The following FNBP1L variants were observed in gnomAD, a reference collection of about 807,000 sequenced individuals.
FNBP1L encodes formin binding protein 1 like.
FNBP1L carries 36 observed loss-of-function variants against 91.2 expected under a neutral mutation model. The ratio of observed to expected loss-of-function variants is 0.39; its 90% confidence interval spans 0.30 to 0.52. The LOEUF (loss-of-function observed/expected upper bound fraction) is 0.52. Ranked by LOEUF, FNBP1L falls within the 20% of genes least tolerant of loss-of-function variation. The probability of loss-of-function intolerance (pLI) is 0.66; values close to 1 mark genes in which losing one functional copy is unlikely to be tolerated. For missense variants in FNBP1L, 571 were observed against 732.1 expected, an observed-to-expected ratio of 0.78 and a Z score of 2.54; for synonymous variants, 242 against 237.0, an observed-to-expected ratio of 1.02 and a Z score of -0.19.
intron 2 of FNBP1L, among the ~76,000 whole-genome samples, chr1:93,520,173 C>A (rs752075219): frequency 6.6e-6 from 1 of 152,156 alleles, no homozygotes; most frequent in Non-Finnish European, 1.5e-5. Flanking sequence ...GTCTCCTGCT[C>A]ATGGGTCCTC....
At chr1:93,539,904 A>C (rs938211695) in intron 10 of FNBP1L, among the ~76,000 whole-genome samples, 12 of 152,168 alleles carry the variant, frequency 7.9e-5, no homozygotes, top group African/African-American at 2.9e-4. Context: ...AAATTCATTC[A>C]TATTTTTAAT....
chr1:93,457,813 A>G (rs1206045953), intron 1 of FNBP1L, among the ~76,000 whole-genome samples: 2 of 149,648 alleles, frequency 1.3e-5, no homozygotes, highest in East Asian at 3.9e-4. Flanking sequence ...TTTTTTTGAG[A>G]TGGAGTCACA....
Position 93,448,374 on chromosome 1 carries a change from C to T in FNBP1L, c.24+69C>T, listed in dbSNP as rs1002385144. The T allele has an allele frequency of 2.9e-5, 42 of 1,440,262 alleles. No individual in the cohort carries two copies. The Admixed American group carries it at 3.6e-4, about 12-fold the overall frequency. The allele number at this position is 1,440,262 out of a possible 1,614,324, so 89.2% of individuals were successfully genotyped here. On this transcript the variant is annotated intron_variant, in intron 1 of 16. Transcript: ENST00000271234. ...AGAAGCGCGGGTTGGGCGGGCGCCG[C>T]GGACCCTCGGCGGTGAAAGCGCGCT... is the stretch of plus-strand genomic sequence containing the variant.
chr1:93,494,716 C>T lies in FNBP1L; in HGVS notation c.25-4752C>T, dbSNP rs545451938. On this transcript the variant is annotated intron_variant, in intron 1 of 16. Coordinates refer to ENST00000271234, the MANE Select transcript of FNBP1L (RefSeq NM_001164473.3). The stretch of plus-strand genomic sequence containing the variant: ...TATTATGTAGCTGTATTAGTCTGTT[C>T]GCATACTGCTAATAAAGACATCCAA... Among the ~76,000 whole-genome samples, 31 of 152,236 alleles carry T rather than the reference C, an allele frequency of 2.0e-4. No homozygotes were observed. The East Asian group carries it at 2.3e-3, about 11-fold the overall frequency.
intron 11 of FNBP1L, among the ~76,000 whole-genome samples, chr1:93,542,756 T>A (rs1482360483): frequency 2.0e-5 from 3 of 151,000 alleles, no homozygotes; most frequent in African/African-American, 7.3e-5. Flanking sequence ...AATATTTATA[T>A]TCTTTTTTCT....
At chr1:93,457,317 A>T (rs1455484520) in intron 1 of FNBP1L, among the ~76,000 whole-genome samples, 3 of 152,060 alleles carry the variant, frequency 2.0e-5, no homozygotes, top group African/African-American at 7.2e-5. Context: ...TCCATTTTGC[A>T]TCTTCTTCCT....
intron 2 of FNBP1L, among the ~76,000 whole-genome samples, chr1:93,499,878 T>A (rs1670388158): frequency 6.6e-6 from 1 of 152,220 alleles, no homozygotes; most frequent in Non-Finnish European, 1.5e-5. Flanking sequence ...CTGTGTTTTA[T>A]ACTTTTATTC....
intron 2 of FNBP1L, among the ~76,000 whole-genome samples, chr1:93,515,697 T>C (rs1465264418): frequency 2.2e-5 from 3 of 138,314 alleles, no homozygotes; most frequent in Non-Finnish European, 3.0e-5. Flanking sequence ...TTCTCCCTCA[T>C]AGGTGGGAAT....
intron 14 of FNBP1L, among the ~76,000 whole-genome samples, chr1:93,548,732 C>T (rs1377782759): frequency 6.6e-6 from 1 of 152,026 alleles, no homozygotes; most frequent in African/African-American, 2.4e-5. Context: ...GTTTCGAGTC[C>T]AGTAGAAAAG....
intron 1 of FNBP1L, among the ~76,000 whole-genome samples, chr1:93,451,622 T>C (rs1286674546): frequency 6.6e-6 from 1 of 152,176 alleles, no homozygotes; most frequent in Non-Finnish European, 1.5e-5. Flanking sequence ...ATGTGTAATT[T>C]AAAAGCCATT....
intron 1 of FNBP1L, among the ~76,000 whole-genome samples, chr1:93,492,290 C>G (rs1412483874): frequency 3.3e-5 from 5 of 151,698 alleles, no homozygotes; most frequent in Non-Finnish European, 7.4e-5. Flanking sequence ...GAGATAACAA[C>G]AAGAAGAGAA....
intron 1 of FNBP1L, among the ~76,000 whole-genome samples, chr1:93,496,388 A>G (rs1309352648): frequency 6.6e-6 from 1 of 151,492 alleles, no homozygotes; most frequent in Admixed American, 6.6e-5. Context: ...CACCTGGCTA[A>G]TTTTATTTAT....
At chr1:93,536,947 A>G (rs1293612860) in intron 10 of FNBP1L, among the ~76,000 whole-genome samples, 1 of 152,020 alleles carries the variant, frequency 6.6e-6, no homozygotes, top group Non-Finnish European at 1.5e-5. Context: ...ACAGTTTCCA[A>G]TAGTTAAAAA....
intron 8 of FNBP1L, among the ~76,000 whole-genome samples, chr1:93,533,712 GATATT>G (rs1351910856): frequency 6.6e-6 from 1 of 152,116 alleles, no homozygotes; most frequent in Non-Finnish European, 1.5e-5. Context: ...CTATCAAGTA[GATATT>G]ATATTAGTGA....
At chr1:93,479,739 C>A (rs1669625973) in intron 1 of FNBP1L, among the ~76,000 whole-genome samples, 1 of 152,176 alleles carries the variant, frequency 6.6e-6, no homozygotes, top group African/African-American at 2.4e-5. Flanking sequence ...CTATTCTGCC[C>A]AACCCCGCAG....
At position 93,522,061 on chromosome 1, in the gene FNBP1L, TA is replaced by T; in HGVS notation, c.141-15del. 1 of 1,459,052 alleles carries T rather than the reference TA, an allele frequency of 6.9e-7. No individual in the cohort carries two copies. The highest frequency in any genetic ancestry group is 9.1e-7 in the Non-Finnish European group (1 of 1,097,506). The allele number at this position is 1,459,052 out of a possible 1,614,324, so 90.4% of individuals were successfully genotyped here. A position where few individuals can be genotyped will look rare whatever the true frequency, so the allele number is the denominator to read the frequency against. ...AATAGTTGAAATTTTTAATAAACTT[TA>T]AAAAATCTTCTTCCTATAGAAATCT... On this transcript the variant is annotated intron_variant, in intron 2 of 16. Coordinates refer to ENST00000271234, the MANE Select transcript of FNBP1L (RefSeq NM_001164473.3).
In FNBP1L at chr1:93,523,799, A is replaced by G. The variant is rs1159779; in HGVS notation, c.342+308A>G. 5.5e-3 allele frequency among the ~76,000 whole-genome samples: 838 copies of G among 152,324 alleles called. 12 individuals carry two copies. The East Asian group carries it at 0.066, about 12-fold the overall frequency. The stretch of plus-strand genomic sequence containing the variant: ...AGAATAATATTTCATGACATTGACA[A>G]TTATATGAAATTTTATTTTTAATGT... On this transcript the variant is annotated intron_variant, in intron 4 of 16. Transcript: ENST00000271234.
chr1:93,523,462 G>A lies in FNBP1L; in HGVS notation c.313G>A (p.Ala105Thr), dbSNP rs1228621273. 1.9e-6 allele frequency: 3 copies of A among 1,607,156 alleles called. No individual in the cohort carries two copies. The highest frequency in any genetic ancestry group is 2.2e-5 in the South Asian group (2 of 89,132). Residue 105 changes from alanine (A) to threonine (T), a missense_variant, in exon 4 of 17, where the codon GCT becomes ACT. Ala to Thr is a moderately conservative substitution (Grantham distance 58). Around this residue, in one of 5 missense-constraint regions of FNBP1L, gnomAD observed 220 missense variants for 313.6 expected, o/e 0.70. Transcript: ENST00000271234. Reference sequence around the variant, plus strand: ...AGTGTATGGTGAATTAATGAGATATGCTCATGATCTGAAAACTGAAAGAAA... The same window carrying A: ...AGTGTATGGTGAATTAATGAGATATACTCATGATCTGAAAACTGAAAGAAA... Reference protein sequence around the residue: ...HRVYGELMRYAHDLKTERKMH... With the variant: ...HRVYGELMRYTHDLKTERKMH...
intron 1 of FNBP1L, among the ~76,000 whole-genome samples, chr1:93,474,448 T>C (rs1407633722): frequency 6.6e-6 from 1 of 152,038 alleles, no homozygotes; most frequent in East Asian, 1.9e-4. Context: ...AAGATAAGTA[T>C]TGAGATAAGA....
Sources: gnomAD v4.1 joint callset for allele counts (sites outside exome capture counted in the v4.1 genomes callset) on GRCh38, gnomAD v4.1.1 for gene constraint, gnomAD v4.1.1 regional missense constraint, MANE v1.5 for transcripts, NCBI Gene and HGNC (gene_info 2026-07-23, HGNC 2026-07-21) for gene names.